Variants in NUP214 observed in about 807,000 individuals in gnomAD.
NUP214 encodes the protein nuclear pore complex protein Nup214.
A neutral mutation model predicts 196.2 loss-of-function variants in NUP214; 79 were observed. The ratio of observed to expected loss-of-function variants is 0.40; its 90% CI spans 0.34 to 0.49. The LOEUF (loss-of-function observed/expected upper bound fraction) is 0.49. NUP214 is among the 20% of genes least tolerant of loss of function. The pLI is 0.58. For synonymous variants in NUP214, 1,020 were observed against 990.5 expected (o/e 1.03, Z -0.56); for missense variants, 2,468 against 2,539.0 (o/e 0.97, Z 0.60).
chr9:131,175,573 G>T lies in NUP214; in HGVS notation c.3271G>T (p.Ala1091Ser). 6.2e-7 allele frequency: 1 copy of T among 1,614,128 alleles called. No individual in the cohort carries two copies. Among genetic ancestry groups the T allele is most frequent in the Non-Finnish European group, 8.5e-7 (1 of 1,180,030 alleles). ...TTCCCACCCCATCTCAGCCCCGCAG[G>T]CAGCTGCCGCAGCAGCACTCAGGCG... is the stretch of plus-strand genomic sequence containing the variant. Reference protein sequence around the residue: ...SPSHPISAPQAAAAAALRRQM... With the variant: ...SPSHPISAPQSAAAAALRRQM... Residue 1091 changes from alanine (A) to serine (S), a missense_variant, in exon 23 of 36, where the codon GCA becomes TCA. This residue lies in a region of NUP214 where 1,801 missense variants were observed against 1,779.4 expected (regional missense o/e 1.01). Coordinates refer to ENST00000359428, the MANE Select transcript of NUP214 (RefSeq NM_005085.4).
At chr9:131,162,569 G>A (rs1832673036) in intron 18 of NUP214, among the ~76,000 whole-genome samples, 1 of 152,040 alleles carries the variant, frequency 6.6e-6, no homozygotes, top group South Asian at 2.1e-4. Context: ...ATAGTCTGAA[G>A]AATTAACTGA....
chr9:131,228,371 A>G (rs1834782921), intron 33 of NUP214, 40 bp downstream of exon 33: 1 of 1,548,472 alleles, frequency 6.5e-7, no homozygotes, highest in Non-Finnish European at 8.6e-7. Context: ...CCCACACGCC[A>G]GCCAAAAAGC....
chr9:131,155,981 T>G (rs1341217327), intron 17 of NUP214, among the ~76,000 whole-genome samples: 1 of 152,182 alleles, frequency 6.6e-6, no homozygotes, highest in East Asian at 1.9e-4. Context: ...TAGTTTTATA[T>G]GAATTTTAGG....
In NUP214 at chr9:131,210,703, G is replaced by A. The variant is rs576109513; in HGVS notation, c.5593-4509G>A. ...AGTACGTGAAATAAAAAACAAAATA[G>A]GCTTAACAGCAGAGTGAATACTACA... On this transcript the variant is annotated intron_variant, in intron 30 of 35. Transcript: ENST00000359428. Among the ~76,000 whole-genome samples, 8 of 151,718 alleles carry A rather than the reference G, an allele frequency of 5.3e-5. No individual in the cohort carries two copies. In the East Asian group the frequency reaches 1.5e-3, roughly 29 times the overall value.
At position 131,138,168 on chromosome 9, in the gene NUP214, CTTCT is replaced by C. The variant is rs555638073; in HGVS notation, c.1006-1112_1006-1109del. 1.6e-4 allele frequency among the ~76,000 whole-genome samples: 24 copies of C among 150,588 alleles called. No individual in the cohort carries two copies. In the East Asian group the frequency reaches 4.1e-3, roughly 26 times the overall value. Reference sequence around the variant, plus strand: ...TCTCTTTTTTCTTCTTCCTTCCTTCCTTCTCTTTCCTTCTCCTTCCTTTTCCTTC... The same window carrying C: ...TCTCTTTTTTCTTCTTCCTTCCTTCCCTTTCCTTCTCCTTCCTTTTCCTTC... On this transcript the variant is annotated intron_variant, in intron 9 of 35. Coordinates refer to ENST00000359428, the MANE Select transcript of NUP214 (RefSeq NM_005085.4).
At chr9:131,160,221 A>G (rs1274553939) in intron 18 of NUP214, among the ~76,000 whole-genome samples, 1 of 152,204 alleles carries the variant, frequency 6.6e-6, no homozygotes, top group Non-Finnish European at 1.5e-5. Flanking sequence ...TAAAAATTTA[A>G]TAAGTAAAAA....
intron 18 of NUP214, among the ~76,000 whole-genome samples, chr9:131,162,278 C>A (rs187051313): frequency 2.0e-5 from 3 of 152,184 alleles, no homozygotes; most frequent in Admixed American, 2.0e-4. Flanking sequence ...TATTGACATA[C>A]CATAGCAAAG....
At position 131,139,414 on chromosome 9, in the gene NUP214, G is replaced by T. The variant is rs547397975; in HGVS notation, c.1132+7G>T. ...CAAGTGGAAATCACCATCAGTAAGT[G>T]TAGCCTGGTAGTTAGTGCAGAAATA... On this transcript the variant is annotated splice_region_variant and intron_variant, in intron 10 of 35. Coordinates refer to ENST00000359428, the MANE Select transcript of NUP214 (RefSeq NM_005085.4). The T allele has an allele frequency of 9.5e-5, 152 of 1,602,288 alleles. No homozygotes were observed. The highest frequency in any genetic ancestry group is 1.2e-4 in the Non-Finnish European group (144 of 1,176,466).
intron 31 of NUP214, among the ~76,000 whole-genome samples, chr9:131,221,609 C>G (rs1394469621): frequency 6.6e-6 from 1 of 152,138 alleles, no homozygotes; most frequent in Non-Finnish European, 1.5e-5. Context: ...CTCCTCCAGT[C>G]CTCTCCTTTC....
At chr9:131,203,978 C>T (rs1431840036) in intron 30 of NUP214, among the ~76,000 whole-genome samples, 1 of 152,178 alleles carries the variant, frequency 6.6e-6, no homozygotes, top group Admixed American at 6.5e-5. Flanking sequence ...CAGGTCTCAG[C>T]CCCTGACTAG....
chr9:131,206,148 C>CTTTTTTTTTGTTTTTTTTTTTTT (rs1834077299), intron 30 of NUP214, among the ~76,000 whole-genome samples: 1 of 76,388 alleles, frequency 1.3e-5, no homozygotes, highest in Non-Finnish European at 2.4e-5. Context: ...TTTCTTTTTT[C>CTTTTTTTTTGTTTTTTTTTTTTT]TTTTTTTTTT....
rs1451936039 is a variant in NUP214, at chr9:131,198,576, C to T, written c.5082C>T (p.Ala1694=). 17 of 1,614,086 alleles carry T rather than the reference C, an allele frequency of 1.1e-5. No individual in the cohort carries two copies. Among genetic ancestry groups the T allele is most frequent in the East Asian group, 2.2e-5 (1 of 44,890 alleles). Reference sequence around the variant, plus strand: ...TTGGGCAGCAGACTGGTAGCACAGCCAGCACAGCAGCTGCCACACCACAGG... The same window carrying T: ...TTGGGCAGCAGACTGGTAGCACAGCTAGCACAGCAGCTGCCACACCACAGG... ...SLFGQQTGST[A]STAAATPQVS... Residue 1694 remains alanine, a synonymous_variant, in exon 29 of 36, where the codon GCC becomes GCT. Transcript: ENST00000359428.
chr9:131,175,951 C>G (rs973505979), intron 23 of NUP214, among the ~76,000 whole-genome samples: 1 of 151,678 alleles, frequency 6.6e-6, no homozygotes, highest in Non-Finnish European at 1.5e-5. Context: ...CTTTGAAATT[C>G]GATCATCGAA....
intron 9 of NUP214, among the ~76,000 whole-genome samples, chr9:131,138,505 A>C (rs1236845039): frequency 1.3e-5 from 2 of 152,220 alleles, no homozygotes; most frequent in South Asian, 2.1e-4. Context: ...GGCATGAACC[A>C]CTACATCCAG....
intron 32 of NUP214, among the ~76,000 whole-genome samples, chr9:131,224,220 A>T (rs1834663401): frequency 6.6e-6 from 1 of 152,216 alleles, no homozygotes. Context: ...CCTTTTTATA[A>T]TCATGTATGA....
At position 131,190,444 on chromosome 9, in the gene NUP214, T is replaced by G. The variant is rs891451925; in HGVS notation, c.3574+1313T>G. On this transcript the variant is annotated intron_variant, in intron 26 of 35. Coordinates refer to ENST00000359428, the MANE Select transcript of NUP214 (RefSeq NM_005085.4). ...ATTGCTGATCATGAAATCCTCTCTT[T>G]TGTTACGAGGTGTTCACTTCTGTTT... 2.0e-5 allele frequency: 14 copies of G among 692,710 alleles called. No individual in the cohort carries two copies. In the African/African-American group the frequency reaches 2.5e-4, roughly 12 times the overall value. 42.9% of individuals were successfully genotyped at this position (692,710 alleles called of 1,614,324 possible). A position where few individuals can be genotyped will look rare whatever the true frequency, so the allele number is the denominator to read the frequency against.
intron 24 of NUP214, 74 bp from the exon 25 acceptor site, chr9:131,187,215 G>A (rs1277507283): frequency 6.1e-6 from 8 of 1,304,482 alleles, no homozygotes; most frequent in African/African-American, 2.9e-5. Context: ...TTGGACAGAA[G>A]GTTGGCTTGA....
chr9:131,213,620 C>G (rs1355593716), intron 30 of NUP214, among the ~76,000 whole-genome samples: 1 of 152,164 alleles, frequency 6.6e-6, no homozygotes, highest in Non-Finnish European at 1.5e-5. Flanking sequence ...CACATGCATG[C>G]ATTCATTGTT....
In NUP214 at chr9:131,198,013, G is replaced by C. The variant is rs756173296; in HGVS notation, c.4519G>C (p.Asp1507His). Residue 1507 changes from aspartate to histidine, a missense_variant, in exon 29 of 36, where the codon GAC becomes CAC. Physicochemically the swap from Asp to His is moderately conservative, Grantham distance 81 (BLOSUM62 -1). Transcript: ENST00000359428. ...ATCAGCTTTGCCTGAGAAGCCAGGT[G>C]ACAGTGAGGTCTCAGCATCAGCAGC... ...TSSALPEKPGDSEVSASAASL... is the reference protein window; with the variant it reads ...TSSALPEKPGHSEVSASAASL... The C allele has an allele frequency of 6.2e-7, 1 of 1,614,110 alleles. No homozygotes were observed. The highest frequency in any genetic ancestry group is 2.2e-5 in the East Asian group (1 of 44,896).
Sources: allele counts gnomAD v4.1 joint callset (sites outside exome capture counted in the v4.1 genomes callset), GRCh38; gene constraint gnomAD v4.1.1; regional missense constraint gnomAD v4.1.1; transcripts MANE v1.5; gene names NCBI Gene and HGNC (gene_info 2026-07-23, HGNC 2026-07-21).